Variants in STXBP5 observed in about 807,000 individuals in gnomAD.
STXBP5 encodes syntaxin-binding protein 5.
A neutral mutation model predicts 152.4 loss-of-function variants in STXBP5; 50 were observed. The observed-to-expected ratio is 0.33, with a 90% CI of 0.26 to 0.42. The LOEUF is 0.42. Among genes scored for constraint, STXBP5 ranks in the 10% least tolerant of loss-of-function variants. The pLI, the probability that STXBP5 is intolerant of heterozygous loss-of-function variation, is 1.00. For missense variants in STXBP5, 1,167 were observed against 1,388.6 expected, an observed-to-expected ratio of 0.84 and a Z score of 2.54; for synonymous variants, 492 against 494.7, an observed-to-expected ratio of 0.99 and a Z score of 0.07.
chr6:147,215,905 A>G (rs921944737), intron 2 of STXBP5, among the ~76,000 whole-genome samples: 1 of 152,140 alleles, frequency 6.6e-6, no homozygotes, highest in Non-Finnish European at 1.5e-5. Flanking sequence ...TTAAAAATAT[A>G]CTTGCCTTTG....
Position 147,359,333 on chromosome 6 carries a change from G to C in STXBP5, c.2545+10G>C. 6.2e-7 allele frequency: 1 copy of C among 1,606,448 alleles called. No homozygotes were observed. Among genetic ancestry groups the C allele is most frequent in the East Asian group, 2.2e-5 (1 of 44,658 alleles). On this transcript the variant is annotated intron_variant, in intron 23 of 27. Coordinates refer to ENST00000321680, the MANE Select transcript of STXBP5 (RefSeq NM_001127715.4). ...ATTGTGTCTCCAAGTGGTATGTATT[G>C]CTGCTGCACTTAGAGTTACATTACA...
rs753873958 is a variant in STXBP5, at chr6:147,328,663, C to G, written c.2080+1387C>G. On this transcript the variant is annotated intron_variant, in intron 18 of 27. Coordinates refer to ENST00000321680, the MANE Select transcript of STXBP5 (RefSeq NM_001127715.4). ...CCATACCATTCTAGTATTTTTGTCT[C>G]CTTTTATTTCTTCCGCTTTTCATTG... 7.3e-5 allele frequency: 34 copies of G among 465,628 alleles called. 1 individual carries two copies. The highest frequency in any genetic ancestry group is 5.4e-4 in the South Asian group (34 of 63,272). The allele number at this position is 465,628 out of a possible 1,614,324, so 28.8% of individuals were successfully genotyped here.
At chr6:147,220,263 A>C (rs570983188) in intron 2 of STXBP5, among the ~76,000 whole-genome samples, 1 of 152,060 alleles carries the variant, frequency 6.6e-6, no homozygotes, top group Admixed American at 6.5e-5. Context: ...TATTCTTTCA[A>C]ATTTTTTGAG....
Position 147,363,380 on chromosome 6 carries a change from T to C in STXBP5, c.2591T>C (p.Leu864Pro). 6.2e-7 allele frequency: 1 copy of C among 1,610,570 alleles called. No individual in the cohort carries two copies. The highest frequency in any genetic ancestry group is 8.5e-7 in the Non-Finnish European group (1 of 1,178,990). ...LKGAILRMAFLDTTGCLIPPA... is the reference protein window; with the variant it reads ...LKGAILRMAFPDTTGCLIPPA... Reference sequence around the variant, plus strand: ...GGTGCAATCTTGAGAATGGCATTTCTGGATACCACAGGCTGCTTAATACCA... The same window carrying C: ...GGTGCAATCTTGAGAATGGCATTTCCGGATACCACAGGCTGCTTAATACCA... Residue 864 changes from leucine (L) to proline (P), a missense_variant, in exon 24 of 28, where the codon CTG becomes CCG. By Grantham distance (98) the Leu-to-Pro change is moderately conservative. Around this residue, in one of 3 missense-constraint regions of STXBP5, gnomAD observed 833 missense variants for 986.3 expected, o/e 0.84. Coordinates refer to ENST00000321680, the MANE Select transcript of STXBP5 (RefSeq NM_001127715.4).
Position 147,388,261 on chromosome 6 carries a change from TTAAA to T in STXBP5, c.*3511_*3514del, listed in dbSNP as rs1786432397. 6.6e-6 allele frequency: 1 copy of T among 151,760 alleles called. No homozygotes were observed. Among genetic ancestry groups the T allele is most frequent in the Admixed American group, 6.6e-5 (1 of 15,190 alleles). 9.4% of individuals were successfully genotyped at this position (151,760 alleles called of 1,614,324 possible). A position where few individuals can be genotyped will look rare whatever the true frequency, so the allele number is the denominator to read the frequency against. ...TCATGAATATGCTGCTAGCTGTACC[TTAAA>T]TAAACTGATCAGTTTTAAAACCTTT... On this transcript the variant is annotated 3_prime_UTR_variant, in exon 28 of 28. Coordinates refer to ENST00000321680, the MANE Select transcript of STXBP5 (RefSeq NM_001127715.4).
At chr6:147,381,033 G>A (rs1024864640) in intron 26 of STXBP5, among the ~76,000 whole-genome samples, 2 of 152,126 alleles carry the variant, frequency 1.3e-5, no homozygotes, top group Non-Finnish European at 2.9e-5. Context: ...AAGAGAGCAT[G>A]TGCAGGGGAA....
At chr6:147,311,631 A>G in intron 11 of STXBP5, 104 bp downstream of exon 11, 1 of 848,760 alleles carries the variant, frequency 1.2e-6, no homozygotes, top group Non-Finnish European at 1.8e-6. Flanking sequence ...CTCTACATTT[A>G]TATCCATAAC....
intron 2 of STXBP5, among the ~76,000 whole-genome samples, chr6:147,215,662 G>A (rs187801031): frequency 4.2e-4 from 64 of 152,264 alleles, no homozygotes; most frequent in African/African-American, 1.4e-3. Context: ...CATTATAGGC[G>A]TGAGCCACTG....
chr6:147,235,411 C>A, intron 3 of STXBP5, 80 bp downstream of exon 3: 1 of 1,112,610 alleles, frequency 9.0e-7, no homozygotes, highest in South Asian at 1.4e-5. Context: ...TACATGCATT[C>A]ACAATTTATT....
At chr6:147,219,271 C>T (rs1485856055) in intron 2 of STXBP5, among the ~76,000 whole-genome samples, 1 of 152,100 alleles carries the variant, frequency 6.6e-6, no homozygotes, top group East Asian at 1.9e-4. Flanking sequence ...GTATAAATCC[C>T]ATTTGGTCAT....
intron 22 of STXBP5, 44 bp from the exon 23 acceptor site, chr6:147,359,040 C>A (rs117319597): frequency 7.6e-6 from 12 of 1,585,558 alleles, no homozygotes; most frequent in African/African-American, 1.4e-5. Flanking sequence ...CAAATAACTT[C>A]TTTTATAACT....
At chr6:147,215,553 G>A (rs1343698945) in intron 2 of STXBP5, among the ~76,000 whole-genome samples, 1 of 151,904 alleles carries the variant, frequency 6.6e-6, no homozygotes, top group Non-Finnish European at 1.5e-5. Flanking sequence ...GCTAATTTTT[G>A]TATTTTTTTG....
chr6:147,226,568 G>T lies in STXBP5; in HGVS notation c.249-8682G>T, dbSNP rs141541201. On this transcript the variant is annotated intron_variant, in intron 2 of 27. Coordinates refer to ENST00000321680, the MANE Select transcript of STXBP5 (RefSeq NM_001127715.4). ...GAAAAGGAAGTAGGTACAGAATTCA[G>T]TATGACTGTATAATAAGCAAGGAGG... Among the ~76,000 whole-genome samples, 527 of 152,292 alleles carry T rather than the reference G, an allele frequency of 3.5e-3. 1 individual carries two copies. Among genetic ancestry groups the T allele is most frequent in the African/African-American group, 0.012 (502 of 41,568 alleles).
In STXBP5 at chr6:147,385,702, A is replaced by T. The variant is rs1436928266; in HGVS notation, c.*947A>T. On this transcript the variant is annotated 3_prime_UTR_variant, in exon 28 of 28. Transcript: ENST00000321680. The stretch of plus-strand genomic sequence containing the variant: ...TTTTATAAAATGTTTAACCAAATGT[A>T]CCTTTGCATTCTTTAATTAAAATTG... The T allele has an allele frequency of 6.6e-6, 1 of 152,086 alleles. No individual in the cohort carries two copies. The allele number at this position is 152,086 out of a possible 1,614,324, so 9.4% of individuals were successfully genotyped here.
intron 23 of STXBP5, among the ~76,000 whole-genome samples, chr6:147,359,908 G>A (rs1339978221): frequency 6.6e-6 from 1 of 151,930 alleles, no homozygotes; most frequent in Non-Finnish European, 1.5e-5. Context: ...CTGACAAAGG[G>A]CTAATACCCA....
intron 8 of STXBP5, among the ~76,000 whole-genome samples, chr6:147,280,691 T>C (rs1780660433): frequency 6.6e-6 from 1 of 152,182 alleles, no homozygotes; most frequent in African/African-American, 2.4e-5. Flanking sequence ...GCTTAGGTCA[T>C]TGAAAGCAGA....
Position 147,324,983 on chromosome 6 carries a change from G to T in STXBP5, c.1827G>T (p.Gln609His). 6.3e-7 allele frequency: 1 copy of T among 1,590,488 alleles called. No individual in the cohort carries two copies. Among genetic ancestry groups the T allele is most frequent in the Non-Finnish European group, 8.6e-7 (1 of 1,165,952 alleles). The change falls in exon 17 of 28, where the codon CAG (glutamine) becomes CAT (histidine). Residue 609 changes from glutamine to histidine, a missense_variant. Gln to His is a conservative substitution (Grantham distance 24). Coordinates refer to ENST00000321680, the MANE Select transcript of STXBP5 (RefSeq NM_001127715.4). ...GAGTTAAAAACTCACCACTTAAACA[G>T]TCTCCAGGTTATCAAACAGAACTAG... is the stretch of plus-strand genomic sequence containing the variant. Reference protein sequence around the residue: ...CLKVKNSPLKQSPGYQTELVI... With the variant: ...CLKVKNSPLKHSPGYQTELVI...
At chr6:147,296,177 G>C (rs584456) in intron 9 of STXBP5, among the ~76,000 whole-genome samples, 75,499 of 151,792 alleles carry the variant, frequency 0.5, 19,059 homozygotes, top group East Asian at 0.72. Flanking sequence ...CCTGGCAGAT[G>C]AGTGCCTGAA....
At chr6:147,208,134 C>A (rs1482845259) in intron 2 of STXBP5, among the ~76,000 whole-genome samples, 1 of 151,864 alleles carries the variant, frequency 6.6e-6, no homozygotes, top group Non-Finnish European at 1.5e-5. Flanking sequence ...CAATTATACT[C>A]TAAAGTTTTT....
Sources: gnomAD v4.1 joint callset for allele counts (sites outside exome capture counted in the v4.1 genomes callset) on GRCh38, gnomAD v4.1.1 for gene constraint, gnomAD v4.1.1 regional missense constraint, MANE v1.5 for transcripts, NCBI Gene and HGNC (gene_info 2026-07-23, HGNC 2026-07-21) for gene names.